The following MSRA variants were observed in gnomAD, a reference collection of about 807,000 sequenced individuals.
MSRA encodes the protein mitochondrial peptide methionine sulfoxide reductase.
Under a neutral mutation model 31.3 loss-of-function variants are expected in MSRA, and 54 were observed. That is an observed-to-expected ratio of 1.73 (90% CI 1.39 to 2.17). The LOEUF is 2.17. Ranked by LOEUF, MSRA falls within the 30% of genes most tolerant of loss-of-function variation. The probability of loss-of-function intolerance (pLI) is 0.00; values close to 1 mark genes in which losing one functional copy is unlikely to be tolerated. For synonymous variants in MSRA, 169 were observed against 116.5 expected (o/e 1.45, Z -2.90); for missense variants, 507 against 300.9 (o/e 1.69, Z -5.07).
intron 1 of MSRA, among the ~76,000 whole-genome samples, chr8:10,128,814 A>G (rs529899995): frequency 1.3e-5 from 2 of 152,220 alleles, no homozygotes; most frequent in Admixed American, 1.3e-4. Context: ...CATGCAACAG[A>G]TATTTACTAA....
chr8:10,216,762 C>G (rs986095269), intron 2 of MSRA, among the ~76,000 whole-genome samples: 1 of 152,198 alleles, frequency 6.6e-6, no homozygotes, highest in Non-Finnish European at 1.5e-5. Context: ...TCCTTCTTAT[C>G]CCATTGTATC....
At chr8:10,224,031 T>C (rs963213154) in intron 2 of MSRA, among the ~76,000 whole-genome samples, 1 of 152,168 alleles carries the variant, frequency 6.6e-6, no homozygotes, top group African/African-American at 2.4e-5. Flanking sequence ...GTCTGCATCC[T>C]AGGATCATCA....
chr8:10,413,675 A>AC (rs55732365), intron 5 of MSRA, among the ~76,000 whole-genome samples: 17 of 151,414 alleles, frequency 1.1e-4, no homozygotes, highest in Admixed American at 1.1e-3. Context: ...AAAAAAAAAA[A>AC]GAACTAAGTA....
intron 5 of MSRA, among the ~76,000 whole-genome samples, chr8:10,389,964 C>T (rs1395033898): frequency 1.3e-5 from 2 of 152,148 alleles, no homozygotes; most frequent in Non-Finnish European, 2.9e-5. Flanking sequence ...GAGCCCACTC[C>T]CTGCATGGCT....
chr8:10,131,031 A>G (rs781497648), intron 1 of MSRA, among the ~76,000 whole-genome samples: 2 of 152,202 alleles, frequency 1.3e-5, no homozygotes, highest in African/African-American at 2.4e-5. Context: ...TTGTTTTTGC[A>G]AACTACAGAA....
intron 1 of MSRA, among the ~76,000 whole-genome samples, chr8:10,116,730 G>T (rs1351627920): frequency 1.3e-5 from 2 of 152,128 alleles, no homozygotes; most frequent in African/African-American, 4.8e-5. Flanking sequence ...CACTTTGGGA[G>T]GCTGAGGCAG....
intron 5 of MSRA, among the ~76,000 whole-genome samples, chr8:10,371,647 T>C (rs1805483273): frequency 6.6e-6 from 1 of 152,158 alleles, no homozygotes; most frequent in Non-Finnish European, 1.5e-5. Context: ...GTCCTTTCCC[T>C]CCACCTACCG....
intron 5 of MSRA, among the ~76,000 whole-genome samples, chr8:10,422,875 T>A (rs973128676): frequency 2.0e-5 from 3 of 152,158 alleles, no homozygotes; most frequent in Admixed American, 6.5e-5. Context: ...ACCAGGCAAG[T>A]CCGTCATGAC....
chr8:10,232,056 G>A (rs1325005864), intron 2 of MSRA, among the ~76,000 whole-genome samples: 1 of 152,204 alleles, frequency 6.6e-6, no homozygotes, highest in African/African-American at 2.4e-5. Context: ...TCTCAGGGTG[G>A]AATGGCTGTG....
At chr8:10,167,135 C>G (rs1420884452) in intron 1 of MSRA, among the ~76,000 whole-genome samples, 1 of 152,162 alleles carries the variant, frequency 6.6e-6, no homozygotes, top group Non-Finnish European at 1.5e-5. Flanking sequence ...TTCCCCAGGT[C>G]CCCTCTCCCA....
chr8:10,118,269 C>G (rs1167002799), intron 1 of MSRA, among the ~76,000 whole-genome samples: 1 of 152,100 alleles, frequency 6.6e-6, no homozygotes, highest in Non-Finnish European at 1.5e-5. Context: ...ATAATAATGA[C>G]TCTTTCATTC....
chr8:10,321,755 G>A (rs1341075650), intron 5 of MSRA, among the ~76,000 whole-genome samples: 1 of 152,130 alleles, frequency 6.6e-6, no homozygotes, highest in Non-Finnish European at 1.5e-5. Flanking sequence ...AGGCTTACAT[G>A]ACAAGGACAA....
intron 1 of MSRA, among the ~76,000 whole-genome samples, chr8:10,116,336 G>T (rs559510466): frequency 6.6e-6 from 1 of 152,136 alleles, no homozygotes; most frequent in African/African-American, 2.4e-5. Context: ...CCAATATGGC[G>T]CAGAGAAGCC....
At chr8:10,321,933 A>G (rs897126718) in intron 5 of MSRA, among the ~76,000 whole-genome samples, 36 of 152,238 alleles carry the variant, frequency 2.4e-4, no homozygotes, top group Admixed American at 1.1e-3. Flanking sequence ...TAATAAATGT[A>G]TATACTTTGA....
rs567406064 is a variant in MSRA at position 10,164,645 on chromosome 8, T to C, written c.143-43188T>C. Among the ~76,000 whole-genome samples the C allele has an allele frequency of 2.0e-5, 3 of 152,316 alleles. No individual in the cohort carries two copies. In the East Asian group the frequency reaches 5.8e-4, roughly 29 times the overall value. ...GCTTATTGTTAATAATATACTATAT[T>C]TGAAAGCAGAGTATAATGCCTAGGA... is the stretch of plus-strand genomic sequence containing the variant. On this transcript the variant is annotated intron_variant, in intron 1 of 5. Coordinates refer to ENST00000317173, the MANE Select transcript of MSRA (RefSeq NM_012331.5).
intron 1 of MSRA, among the ~76,000 whole-genome samples, chr8:10,059,918 T>C (rs1042137659): frequency 2.6e-5 from 4 of 152,238 alleles, no homozygotes; most frequent in Admixed American, 2.0e-4. Flanking sequence ...AATACCATTT[T>C]TCATGTTTCA....
chr8:10,230,212 G>A (rs772919046), intron 2 of MSRA, among the ~76,000 whole-genome samples: 1 of 152,236 alleles, frequency 6.6e-6, no homozygotes, highest in African/African-American at 2.4e-5. Flanking sequence ...ATTCCATAGG[G>A]TAGACTATGT....
intron 2 of MSRA, among the ~76,000 whole-genome samples, chr8:10,235,778 G>C (rs992414985): frequency 6.6e-6 from 1 of 152,012 alleles, no homozygotes; most frequent in Admixed American, 6.6e-5. Context: ...ACATAGGAGA[G>C]AAAATAAGAA....
chr8:10,189,067 C>T (rs1807295941), intron 1 of MSRA, among the ~76,000 whole-genome samples: 1 of 152,134 alleles, frequency 6.6e-6, no homozygotes, highest in African/African-American at 2.4e-5. Flanking sequence ...TTTCAGGGTA[C>T]AGACCTTACT....
Sources: gnomAD v4.1 joint callset for allele counts (sites outside exome capture counted in the v4.1 genomes callset) on GRCh38, gnomAD v4.1.1 for gene constraint, MANE v1.5 for transcripts, NCBI Gene and HGNC (gene_info 2026-07-23, HGNC 2026-07-21) for gene names.